CACNA1E: variants seen among roughly 807,000 people sequenced by gnomAD.
CACNA1E encodes calcium voltage-gated channel subunit alpha1 E, also known as voltage-dependent R-type calcium channel subunit alpha-1E.
CACNA1E carries 40 observed loss-of-function variants against 259.2 expected under a neutral mutation model. That is an observed-to-expected ratio of 0.15 (90% CI 0.12 to 0.20). The LOEUF (loss-of-function observed/expected upper bound fraction) is 0.20, where lower values mean the gene tolerates loss of function less well. Among genes scored for constraint, CACNA1E ranks in the 10% least tolerant of loss-of-function variants. The probability of loss-of-function intolerance (pLI) is 1.00; values close to 1 mark genes in which losing one functional copy is unlikely to be tolerated. For synonymous variants in CACNA1E, 1,104 were observed against 1,138.5 expected (o/e 0.97, Z 0.61); for missense variants, 1,874 against 3,040.1 (o/e 0.62, Z 9.02).
chr1:181,778,791 T>C (rs2102809638), intron 38 of CACNA1E, among the ~76,000 whole-genome samples: 1 of 152,270 alleles, frequency 6.6e-6, no homozygotes, highest in Non-Finnish European at 1.5e-5. Flanking sequence ...CCCTGGCTGC[T>C]CTCTGAACAC....
intron 2 of CACNA1E, among the ~76,000 whole-genome samples, chr1:181,429,696 G>C (rs986825397): frequency 1.3e-5 from 2 of 152,158 alleles, no homozygotes; most frequent in Non-Finnish European, 1.5e-5. Flanking sequence ...CTTCCCCCAG[G>C]CTGTGGCCGG....
At chr1:181,519,699 C>T (rs1272835661) in intron 3 of CACNA1E, among the ~76,000 whole-genome samples, 1 of 152,074 alleles carries the variant, frequency 6.6e-6, no homozygotes, top group East Asian at 1.9e-4. Context: ...AAATCTAGGA[C>T]TCTGTTGCAG....
At chr1:181,375,536 G>T (rs1185161169) in intron 1 of CACNA1E, among the ~76,000 whole-genome samples, 1 of 152,146 alleles carries the variant, frequency 6.6e-6, no homozygotes, top group African/African-American at 2.4e-5. Flanking sequence ...TGCTTACTTC[G>T]TCTATTCTAG....
chr1:181,460,672 A>T (rs984442520), intron 2 of CACNA1E, among the ~76,000 whole-genome samples: 2 of 152,240 alleles, frequency 1.3e-5, no homozygotes, highest in African/African-American at 2.4e-5. Flanking sequence ...TGAATCAAGT[A>T]ACTCTCCGCC....
intron 3 of CACNA1E, among the ~76,000 whole-genome samples, chr1:181,576,213 C>T (rs944244671): frequency 1.4e-4 from 21 of 152,158 alleles, no homozygotes; most frequent in African/African-American, 4.8e-4. Flanking sequence ...GTAGTATGAA[C>T]GTAGACTCAG....
intron 1 of CACNA1E, among the ~76,000 whole-genome samples, chr1:181,407,660 C>A (rs1657562037): frequency 1.3e-5 from 2 of 152,280 alleles, no homozygotes; most frequent in South Asian, 4.2e-4. Context: ...TTTACTCCTC[C>A]TTTTTCAGTC....
intron 17 of CACNA1E, 80 bp from the exon 18 acceptor site, chr1:181,725,985 T>C: frequency 1.1e-6 from 1 of 887,730 alleles, no homozygotes; most frequent in Non-Finnish European, 1.8e-6. Flanking sequence ...TATTCAGAAC[T>C]CCTCCTTAGG....
intron 1 of CACNA1E, among the ~76,000 whole-genome samples, chr1:181,507,255 A>G (rs566786934): frequency 1.3e-5 from 2 of 152,264 alleles, no homozygotes; most frequent in Admixed American, 6.5e-5. Context: ...TCAGCCACCC[A>G]GATACCTGGC....
intron 2 of CACNA1E, among the ~76,000 whole-genome samples, chr1:181,442,071 A>G (rs898870611): frequency 6.6e-6 from 1 of 152,180 alleles, no homozygotes; most frequent in Non-Finnish European, 1.5e-5. Context: ...ATGCCATGTA[A>G]TAGGCTGCAA....
chr1:181,439,445 C>A (rs1399168715), intron 2 of CACNA1E, among the ~76,000 whole-genome samples: 1 of 151,254 alleles, frequency 6.6e-6, no homozygotes, highest in Non-Finnish European at 1.5e-5. Flanking sequence ...TTTCTGCTCC[C>A]AAATTGCTCC....
At chr1:181,511,590 G>C in intron 3 of CACNA1E, 80 bp downstream of exon 3, 1 of 1,512,840 alleles carries the variant, frequency 6.6e-7, no homozygotes, top group Non-Finnish European at 9.1e-7. Flanking sequence ...CAGGGAACCT[G>C]GGGTGGAAAG....
chr1:181,435,738 T>C (rs1320924827), intron 2 of CACNA1E, among the ~76,000 whole-genome samples: 3 of 152,320 alleles, frequency 2.0e-5, no homozygotes, highest in Non-Finnish European at 4.4e-5. Flanking sequence ...TTGATACTAA[T>C]ACAGTCAAAG....
At chr1:181,523,675 G>A (rs1464566898) in intron 3 of CACNA1E, among the ~76,000 whole-genome samples, 1 of 152,216 alleles carries the variant, frequency 6.6e-6, no homozygotes, top group African/African-American at 2.4e-5. Flanking sequence ...TCCAAGGGAT[G>A]GGGTTGGTCT....
At chr1:181,595,649 TGGGGAGGAATAGCAGAGA>T (rs1653084825) in intron 6 of CACNA1E, among the ~76,000 whole-genome samples, 1 of 152,092 alleles carries the variant, frequency 6.6e-6, no homozygotes, top group Non-Finnish European at 1.5e-5. Context: ...CTGCCCAAGC[TGGGGAGGAATAGCAGAGA>T]GGCATCCGTG....
intron 1 of CACNA1E, among the ~76,000 whole-genome samples, chr1:181,394,944 AG>A (rs1656556163): frequency 6.6e-6 from 1 of 152,118 alleles, no homozygotes; most frequent in African/African-American, 2.4e-5. Flanking sequence ...GACCACTGGG[AG>A]GTCAGCTGTG....
chr1:181,746,995 T>C (rs1196676834), intron 25 of CACNA1E, among the ~76,000 whole-genome samples: 2 of 152,256 alleles, frequency 1.3e-5, no homozygotes, highest in African/African-American at 4.8e-5. Flanking sequence ...TAATGTCTGC[T>C]ATAGTGCCAA....
intron 32 of CACNA1E, among the ~76,000 whole-genome samples, chr1:181,762,074 A>G (rs913744921): frequency 7.2e-5 from 11 of 152,168 alleles, no homozygotes; most frequent in Admixed American, 6.5e-5. Flanking sequence ...ACTTTTGTTG[A>G]TAGTTGAAAG....
rs562953747 is a variant in CACNA1E, at chr1:181,511,439, G to A, written c.441G>A (p.Gly147=). Residue 147 remains glycine (G), a synonymous_variant, in exon 3 of 48, where the codon GGG becomes GGA. Transcript: ENST00000367573. The part of the protein sequence containing the change: ...FEAGIKIVAL[G]FIFHKGSYLR... ...CTGGGATCAAAATTGTGGCCCTGGG[G>A]TTCATCTTCCATAAGGGCTCTTACC... 3.7e-6 allele frequency: 6 copies of A among 1,613,862 alleles called. No homozygotes were observed. Among genetic ancestry groups the A allele is most frequent in the Non-Finnish European group, 5.1e-6 (6 of 1,179,888 alleles).
At chr1:181,469,363 A>T (rs1406808806) in intron 2 of CACNA1E, among the ~76,000 whole-genome samples, 1 of 152,196 alleles carries the variant, frequency 6.6e-6, no homozygotes, top group African/African-American at 2.4e-5. Context: ...ATGCAGCCAA[A>T]GTTTTGTGCC....
Sources: gnomAD v4.1 joint callset for allele counts (sites outside exome capture counted in the v4.1 genomes callset) on GRCh38, gnomAD v4.1.1 for gene constraint, MANE v1.5 for transcripts, NCBI Gene and HGNC (gene_info 2026-07-23, HGNC 2026-07-21) for gene names.